BRSK2: variants seen among roughly 807,000 people sequenced by gnomAD.
BRSK2 encodes serine/threonine-protein kinase BRSK2.
In BRSK2, 19 loss-of-function variants were observed where a neutral mutation model predicts 83.3. The observed-to-expected ratio is 0.23, with a 90% CI of 0.16 to 0.33. BRSK2 has a LOEUF of 0.33. BRSK2 is among the 10% of genes least tolerant of loss of function. The pLI is 1.00. For missense variants in BRSK2, 798 were observed against 1,042.3 expected (o/e 0.77, Z 3.23); for synonymous variants, 519 against 435.4 (o/e 1.19, Z -2.39).
chr11:1,414,130 A>G (rs1847848747), intron 1 of BRSK2, among the ~76,000 whole-genome samples: 1 of 152,258 alleles, frequency 6.6e-6, no homozygotes, highest in African/African-American at 2.4e-5. Context: ...CAAATTAAAG[A>G]TACTCAAATT....
chr11:1,397,914 C>T (rs1055573795), intron 1 of BRSK2, among the ~76,000 whole-genome samples: 19 of 152,194 alleles, frequency 1.2e-4, no homozygotes, highest in African/African-American at 3.9e-4. Context: ...CCAGGGCATT[C>T]ACGCCATCAC....
intron 1 of BRSK2, among the ~76,000 whole-genome samples, chr11:1,408,811 TGG>T (rs1491347765): frequency 0.015 from 1,617 of 107,724 alleles, 32 homozygotes; most frequent in African/African-American, 0.046. Context: ...TTGCCTGTGC[TGG>T]TGTGTGTGTG....
intron 2 of BRSK2, among the ~76,000 whole-genome samples, chr11:1,436,364 ACCCCTGAGGGGACAGG>A (rs774015380): frequency 1.3e-4 from 19 of 151,960 alleles, no homozygotes; most frequent in Admixed American, 6.6e-5. Flanking sequence ...CAGAGTGGGC[ACCCCTGAGGGGACAGG>A]CTGCAGCTGG....
intron 1 of BRSK2, among the ~76,000 whole-genome samples, chr11:1,420,248 G>A (rs371176379): frequency 2.2e-4 from 34 of 152,336 alleles, no homozygotes; most frequent in African/African-American, 7.2e-4. Context: ...CCACAGGGCC[G>A]GCCCCTGCTC....
chr11:1,457,799 AG>A (rs552440564), intron 18 of BRSK2, among the ~76,000 whole-genome samples: 155 of 151,844 alleles, frequency 1.0e-3, no homozygotes, highest in African/African-American at 3.5e-3. Context: ...CACCTGTGGG[AG>A]CCCCCCCAGA....
At chr11:1,459,740 CCTCTT>C (rs1023826850) in intron 19 of BRSK2, among the ~76,000 whole-genome samples, 2 of 152,208 alleles carry the variant, frequency 1.3e-5, no homozygotes, top group African/African-American at 2.4e-5. Context: ...CATTTCCGCC[CCTCTT>C]CTCAGGACTG....
intron 14 of BRSK2, 48 bp downstream of exon 14, chr11:1,450,842 G>T (rs760874520): frequency 6.6e-7 from 1 of 1,518,570 alleles, no homozygotes; most frequent in African/African-American, 1.4e-5. Context: ...AGAGAGCAGA[G>T]GCTGCCTTGG....
At chr11:1,411,867 C>T (rs982174006) in intron 1 of BRSK2, among the ~76,000 whole-genome samples, 1 of 152,222 alleles carries the variant, frequency 6.6e-6, no homozygotes, top group Admixed American at 6.5e-5. Flanking sequence ...GGCATCCGGG[C>T]CCTCATCTTG....
At chr11:1,460,420 C>G in intron 19 of BRSK2, 80 bp from the exon 20 acceptor site, 1,237 of 778,636 alleles carry the variant, frequency 1.6e-3, no homozygotes, top group Non-Finnish European at 2.0e-3. Context: ...CTCTCTCCTT[C>G]CCTCCCCTCC....
intron 3 of BRSK2, among the ~76,000 whole-genome samples, chr11:1,439,814 A>C (rs916824190): frequency 4.1e-4 from 59 of 143,262 alleles, no homozygotes; most frequent in Non-Finnish European, 8.4e-4. Context: ...TGGGGGCTTC[A>C]CACCCTCCCC....
chr11:1,433,128 G>A (rs548639018), intron 1 of BRSK2, among the ~76,000 whole-genome samples: 2 of 130,270 alleles, frequency 1.5e-5, no homozygotes, highest in African/African-American at 5.2e-5. Flanking sequence ...AGCAGTGAGC[G>A]TCTTCTGCGG....
chr11:1,452,553 A>G (rs1199337562), intron 15 of BRSK2, among the ~76,000 whole-genome samples: 1 of 152,168 alleles, frequency 6.6e-6, no homozygotes, highest in Non-Finnish European at 1.5e-5. Context: ...CCATCTTGAG[A>G]TGGCCTGGAG....
rs752579506 is a variant in BRSK2, at chr11:1,460,908, TTCTC to T, written c.*189_*192del. 6.3e-4 allele frequency: 1,016 copies of T among 1,610,616 alleles called. No individual in the cohort carries two copies. Among genetic ancestry groups the T allele is most frequent in the East Asian group, 7.4e-4 (33 of 44,818 alleles). ...CTGCGCCACCCGCGCCCGCTCTCTT[TTCTC>T]TCTGTCTCTGCCTCTGCCTGTCTCT... On this transcript the variant is annotated 3_prime_UTR_variant, in exon 20 of 20. Coordinates refer to ENST00000528841, the MANE Select transcript of BRSK2 (RefSeq NM_001256627.2).
At chr11:1,449,870 G>T in intron 13 of BRSK2, 34 bp downstream of exon 13, 1 of 1,529,070 alleles carries the variant, frequency 6.5e-7, no homozygotes, top group Non-Finnish European at 9.0e-7. Context: ...CAGCTCGGAT[G>T]CACAGAGGCC....
chr11:1,455,084 C>T (rs970173425), intron 16 of BRSK2, among the ~76,000 whole-genome samples: 5 of 152,134 alleles, frequency 3.3e-5, no homozygotes, highest in Admixed American at 1.3e-4. Context: ...CCTCGGAGGC[C>T]GGGTGGCTCT....
In BRSK2 at chr11:1,445,337, A is replaced by G. The variant is rs1312650779; in HGVS notation, c.856A>G (p.Lys286Glu). Residue 286 changes from lysine to glutamate, a missense_variant, in exon 10 of 20, where the codon AAG becomes GAG. By Grantham distance (56) the Lys-to-Glu change is moderately conservative. Coordinates refer to ENST00000528841, the MANE Select transcript of BRSK2 (RefSeq NM_001256627.2). Reference sequence around the variant, plus strand: ...CGAACCAGAGCAGCCCATTCCTCGCAAGGTGCAGATCCGCTCGCTGCCCAG... The same window carrying G: ...CGAACCAGAGCAGCCCATTCCTCGCGAGGTGCAGATCCGCTCGCTGCCCAG... ...EPEPEQPIPR[K>E]VQIRSLPSLE... 6.2e-7 allele frequency: 1 copy of G among 1,611,380 alleles called. No homozygotes were observed. The highest frequency in any genetic ancestry group is 1.3e-5 in the African/African-American group (1 of 74,914).
intron 1 of BRSK2, among the ~76,000 whole-genome samples, chr11:1,412,023 G>A (rs867342024): frequency 8.4e-3 from 1,000 of 119,602 alleles, no homozygotes; most frequent in Middle Eastern, 0.03. Flanking sequence ...CAGCTGCGCC[G>A]CCCCGTCCTG....
chr11:1,426,849 T>C (rs2132912947), intron 1 of BRSK2, among the ~76,000 whole-genome samples: 1 of 151,944 alleles, frequency 6.6e-6, no homozygotes, highest in South Asian at 2.1e-4. Context: ...GAGGGCCCTG[T>C]AGTGGCCAGC....
chr11:1,392,890 C>G (rs1187636516), intron 1 of BRSK2, among the ~76,000 whole-genome samples: 1 of 152,116 alleles, frequency 6.6e-6, no homozygotes, highest in Non-Finnish European at 1.5e-5. Context: ...CCCTCGGTGG[C>G]TGTGGGGGTT....
Sources: gnomAD v4.1 joint callset for allele counts (sites outside exome capture counted in the v4.1 genomes callset) on GRCh38, gnomAD v4.1.1 for gene constraint, MANE v1.5 for transcripts, NCBI Gene and HGNC (gene_info 2026-07-23, HGNC 2026-07-21) for gene names.